The following PCDH15 variants were observed in gnomAD, a reference collection of about 807,000 sequenced individuals.
The protein encoded by PCDH15 is protocadherin related 15, also known as protocadherin-15.
In PCDH15, 129 loss-of-function variants were observed where a neutral mutation model predicts 178.5. The ratio of observed to expected loss-of-function variants is 0.72; its 90% CI spans 0.63 to 0.84. PCDH15 has a LOEUF of 0.84. PCDH15 is among the 40% of genes least tolerant of loss of function. PCDH15 has a pLI of 0.00. For missense variants in PCDH15, 2,230 were observed against 2,099.9 expected (o/e 1.06, Z -1.21); for synonymous variants, 800 against 732.0 (o/e 1.09, Z -1.50).
chr10:54,805,482 T>G (rs1952764715), upstream of PCDH15, among the ~76,000 whole-genome samples: 1 of 152,184 alleles, frequency 6.6e-6, no homozygotes, highest in Non-Finnish European at 1.5e-5. Flanking sequence ...TCATCTGTAT[T>G]CACACCAATA....
At chr10:55,538,017 G>T (rs1206290503) in intron 2 of PCDH15, among the ~76,000 whole-genome samples, 3 of 152,120 alleles carry the variant, frequency 2.0e-5, no homozygotes, top group Admixed American at 6.6e-5. Context: ...TAATACTTCA[G>T]TTCTAAATTA....
At chr10:54,659,794 C>T (rs1011106087) in intron 2 of PCDH15, among the ~76,000 whole-genome samples, 8 of 148,826 alleles carry the variant, frequency 5.4e-5, no homozygotes, top group African/African-American at 2.0e-4. Context: ...ACTCTCAAAA[C>T]CACACAAGTA....
At chr10:54,483,677 A>G (rs2078888079) in intron 3 of PCDH15, among the ~76,000 whole-genome samples, 2 of 151,860 alleles carry the variant, frequency 1.3e-5, no homozygotes. Context: ...AATCAATCCT[A>G]TACTTTGTCC....
At chr10:55,216,607 C>T (rs1441339551) in intron 1 of PCDH15, among the ~76,000 whole-genome samples, 1 of 150,894 alleles carries the variant, frequency 6.6e-6, no homozygotes, top group South Asian at 2.1e-4. Flanking sequence ...GTTCTCATCA[C>T]AAAAAAAATG....
intron 1 of PCDH15, among the ~76,000 whole-genome samples, chr10:54,791,744 T>G (rs1951436180): frequency 6.6e-6 from 1 of 151,902 alleles, no homozygotes. Context: ...ATCTTTAAAA[T>G]GTATTCAGAA....
intron 2 of PCDH15, among the ~76,000 whole-genome samples, chr10:54,580,444 A>G (rs543114755): frequency 9.2e-5 from 14 of 152,006 alleles, no homozygotes; most frequent in Non-Finnish European, 2.1e-4. Flanking sequence ...CAAATGAATC[A>G]GTCATAAAAA....
intron 3 of PCDH15, among the ~76,000 whole-genome samples, chr10:54,463,746 A>T (rs551698818): frequency 6.6e-6 from 1 of 152,036 alleles, no homozygotes; most frequent in Non-Finnish European, 1.5e-5. Flanking sequence ...CCCATAGAGG[A>T]CCTCATTAAA....
At chr10:53,931,377 T>A (rs1483018202) in intron 25 of PCDH15, among the ~76,000 whole-genome samples, 1 of 152,204 alleles carries the variant, frequency 6.6e-6, no homozygotes, top group Non-Finnish European at 1.5e-5. Context: ...TAGCTTGATA[T>A]TTAAAACGCT....
At chr10:54,309,131 T>G (rs1393160655) in intron 8 of PCDH15, among the ~76,000 whole-genome samples, 1 of 151,980 alleles carries the variant, frequency 6.6e-6, no homozygotes, top group East Asian at 1.9e-4. Context: ...TACTTTAATA[T>G]TTAGAACACT....
intron 2 of PCDH15, among the ~76,000 whole-genome samples, chr10:54,651,308 A>T (rs1318582198): frequency 6.6e-6 from 1 of 152,218 alleles, no homozygotes; most frequent in African/African-American, 2.4e-5. Context: ...TCTGGGAAAT[A>T]ATATGAGTAG....
rs950394084 is a variant in PCDH15, at chr10:55,272,103, C to A, written c.-156+47496G>T. Among the ~76,000 whole-genome samples, 21 of 152,028 alleles carry A rather than the reference C, an allele frequency of 1.4e-4. No individual in the cohort carries two copies. The East Asian group carries it at 4.1e-3, about 29-fold the overall frequency. ...TTTTTTCTATATACCATTCCTTATA[C>A]AAGAGTAGCACATAAGAATAGTAGG... is the stretch of plus-strand genomic sequence containing the variant. On this transcript the variant is annotated intron_variant, in intron 1 of 5. Transcript: ENST00000458638.
intron 8 of PCDH15, among the ~76,000 whole-genome samples, chr10:54,261,195 C>A (rs1464072186): frequency 1.3e-5 from 2 of 151,956 alleles, no homozygotes; most frequent in African/African-American, 4.8e-5. Context: ...AATGTAAAAT[C>A]AGTGAGACCT....
intron 26 of PCDH15, among the ~76,000 whole-genome samples, chr10:53,883,466 A>G (rs2080878849): frequency 6.6e-6 from 1 of 152,062 alleles, no homozygotes; most frequent in Non-Finnish European, 1.5e-5. Context: ...TGTTTTTACA[A>G]ATCCCTGTGC....
chr10:55,571,177 C>G (rs936762970), intron 2 of PCDH15, among the ~76,000 whole-genome samples: 1 of 152,012 alleles, frequency 6.6e-6, no homozygotes, highest in Non-Finnish European at 1.5e-5. Context: ...CACTTCACCA[C>G]TCACTCTCTT....
intron 2 of PCDH15, among the ~76,000 whole-genome samples, chr10:55,351,466 C>T (rs1288985957): frequency 6.6e-6 from 1 of 151,994 alleles, no homozygotes; most frequent in East Asian, 1.9e-4. Flanking sequence ...CATTGTTGCT[C>T]AAGTAATCTG....
At chr10:54,498,153 C>G in intron 3 of PCDH15, among the ~76,000 whole-genome samples, 1 of 152,120 alleles carries the variant, frequency 6.6e-6, no homozygotes, top group East Asian at 1.9e-4. Flanking sequence ...GTCCTATATA[C>G]AGCATACTTA....
At chr10:55,569,673 T>A (rs75633449) in intron 2 of PCDH15, among the ~76,000 whole-genome samples, 8,939 of 151,822 alleles carry the variant, frequency 0.059, 581 homozygotes, top group East Asian at 0.31. Context: ...TGTGGGTGAG[T>A]CCTACATTAC....
intron 25 of PCDH15, among the ~76,000 whole-genome samples, chr10:53,924,916 G>A (rs116008762): frequency 0.012 from 1,762 of 152,214 alleles, 37 homozygotes; most frequent in African/African-American, 0.04. Flanking sequence ...AGTGCTCTGG[G>A]GTTTTGGAGA....
intron 1 of PCDH15, among the ~76,000 whole-genome samples, chr10:54,695,951 A>AGGGAGAT (rs2095216682): frequency 6.6e-6 from 1 of 152,094 alleles, no homozygotes; most frequent in East Asian, 1.9e-4. Flanking sequence ...GGAGATGTAC[A>AGGGAGAT]GGGAGATCAG....
Sources: gnomAD v4.1 joint callset for allele counts (sites outside exome capture counted in the v4.1 genomes callset) on GRCh38, gnomAD v4.1.1 for gene constraint, MANE v1.5 for transcripts, NCBI Gene and HGNC (gene_info 2026-07-23, HGNC 2026-07-21) for gene names.